Variants in CARS2 observed in about 807,000 individuals in gnomAD.
CARS2 encodes cysteinyl-tRNA synthetase 2, mitochondrial, also known as probable cysteine--tRNA ligase, mitochondrial.
Under a neutral mutation model 68.8 loss-of-function variants are expected in CARS2, and 52 were observed. That is an observed-to-expected ratio of 0.76 (90% CI 0.61 to 0.95). CARS2 has a LOEUF of 0.95. Among genes scored for constraint, CARS2 ranks in the 40% least tolerant of loss-of-function variants. The probability of loss-of-function intolerance (pLI) is 0.00; values close to 1 mark genes in which losing one functional copy is unlikely to be tolerated. For synonymous variants in CARS2, 314 were observed against 303.6 expected (o/e 1.03, Z -0.36); for missense variants, 780 against 754.2 (o/e 1.03, Z -0.40).
At chr13:110,683,209 C>A in intron 5 of CARS2, 75 bp from the exon 6 acceptor site, 1 of 952,050 alleles carries the variant, frequency 1.1e-6, no homozygotes, top group Non-Finnish European at 1.5e-6. Context: ...TAACATCTAA[C>A]AAGTAATTAG....
Position 110,705,928 on chromosome 13 carries a change from T to G in CARS2, c.166A>C (p.Asn56His). ...GGTTCCTTCCTCCCGGTGAGGCTGT[T>G]GTACACCTGCACACCCGTCTCCCGG... Reference protein sequence around the residue: ...TGRETGVQVYNSLTGRKEPLI... With the variant: ...TGRETGVQVYHSLTGRKEPLI... The change falls in exon 1 of 15, where the codon AAC (asparagine) becomes CAC (histidine). Residue 56 changes from asparagine to histidine, a missense_variant. Physicochemically the swap from Asn to His is moderately conservative, Grantham distance 68. Coordinates refer to ENST00000257347, the MANE Select transcript of CARS2 (RefSeq NM_024537.4). This position sits in a 1 kb window ranked among gnomAD's most constrained non-coding sequence, Gnocchi z 4.0. 6.4e-7 allele frequency: 1 copy of G among 1,573,746 alleles called. No homozygotes were observed. The highest frequency in any genetic ancestry group is 1.4e-5 in the African/African-American group (1 of 73,892).
chr13:110,642,589 G>T, intron 13 of CARS2, 68 bp from the exon 14 acceptor site: 1 of 1,482,068 alleles, frequency 6.7e-7, no homozygotes, highest in Non-Finnish European at 9.4e-7. Flanking sequence ...TCCCCACCCC[G>T]TGGTTGGGCT....
intron 3 of CARS2, among the ~76,000 whole-genome samples, chr13:110,697,712 C>T (rs1159734430): frequency 3.9e-5 from 6 of 152,194 alleles, no homozygotes; most frequent in African/African-American, 1.4e-4. Flanking sequence ...GGATTACAGG[C>T]GTGAGCCACT....
intron 5 of CARS2, among the ~76,000 whole-genome samples, chr13:110,686,654 G>A (rs2139853889): frequency 6.7e-6 from 1 of 148,206 alleles, no homozygotes; most frequent in African/African-American, 2.5e-5. Flanking sequence ...CCTCCTGGGT[G>A]CAAGCAATTC....
Position 110,663,477 on chromosome 13 carries a change from A to C in CARS2, c.961T>G (p.Ser321Ala), listed in dbSNP as rs759013193. The change falls in exon 9 of 15, where the codon TCA (serine) becomes GCA (alanine). Residue 321 changes from serine to alanine, a missense_variant. Transcript: ENST00000257347. ...TTAATAGTAATGTAGTTCTTTAATG[A>C]TTTGGACATTTTTTCTTCTTTGCCT... ...AKGKEEKMSKSLKNYITIKDF... is the reference protein window; with the variant it reads ...AKGKEEKMSKALKNYITIKDF... The C allele has an allele frequency of 6.2e-7, 1 of 1,613,824 alleles. No individual in the cohort carries two copies. Among genetic ancestry groups the C allele is most frequent in the African/African-American group, 1.3e-5 (1 of 74,912 alleles).
intron 9 of CARS2, among the ~76,000 whole-genome samples, chr13:110,652,605 G>A (rs1021864313): frequency 3.9e-5 from 6 of 152,194 alleles, no homozygotes; most frequent in African/African-American, 1.4e-4. Flanking sequence ...GATGGAGCAG[G>A]TCTGGTCTGT....
In CARS2 at chr13:110,665,571, C is replaced by A; in HGVS notation, c.919+1769G>T. The stretch of plus-strand genomic sequence containing the variant: ...GGCACAGCTAAGGCTGCCCTTCTTG[C>A]CCCCCAGCTCCACACTCGCAGAAGG... On this transcript the variant is annotated intron_variant, in intron 8 of 14. Coordinates refer to ENST00000257347, the MANE Select transcript of CARS2 (RefSeq NM_024537.4). This position sits in a 1 kb window ranked among gnomAD's most constrained non-coding sequence, Gnocchi z 4.3. 1.0e-6 allele frequency: 1 copy of A among 985,450 alleles called. No individual in the cohort carries two copies. The highest frequency in any genetic ancestry group is 1.2e-6 in the Non-Finnish European group (1 of 829,966). 61.0% of individuals were successfully genotyped at this position (985,450 alleles called of 1,614,324 possible).
intron 9 of CARS2, among the ~76,000 whole-genome samples, chr13:110,652,633 C>G (rs2062248392): frequency 6.6e-6 from 1 of 152,200 alleles, no homozygotes; most frequent in Non-Finnish European, 1.5e-5. Flanking sequence ...CAGGAAGGAG[C>G]TCAGCCCCCA....
At chr13:110,711,140 T>C (rs2064023321), upstream of CARS2, among the ~76,000 whole-genome samples, 1 of 152,196 alleles carries the variant, frequency 6.6e-6, no homozygotes, top group South Asian at 2.1e-4. Flanking sequence ...TAATTTTCCT[T>C]ATTCAACTTT....
intron 8 of CARS2, chr13:110,664,870 G>C: frequency 2.1e-6 from 1 of 483,230 alleles, no homozygotes; most frequent in Non-Finnish European, 2.7e-6. Context: ...AGGCCCTCCC[G>C]AGACACCGAG....
chr13:110,680,046 C>T (rs1222236602), intron 6 of CARS2, among the ~76,000 whole-genome samples: 1 of 151,966 alleles, frequency 6.6e-6, no homozygotes, highest in Non-Finnish European at 1.5e-5. Flanking sequence ...ACAAACTGTA[C>T]CACTGAGTAA....
chr13:110,683,082 G>A lies in CARS2; in HGVS notation c.624C>T (p.Val208=), dbSNP rs768173954. ...CTCCGACTGGACCAGGGACCACGCCGACCAATTTGCCATACTTGTCTCCTC... is the reference window on the plus strand; with the variant it reads ...CTCCGACTGGACCAGGGACCACGCCAACCAATTTGCCATACTTGTCTCCTC... ...KSRGDKYGKL[V]GVVPGPVGEP... The change falls in exon 6 of 15, where the codon GTC becomes GTT. Residue 208 remains valine (V), a synonymous_variant. Transcript: ENST00000257347. 2.7e-5 allele frequency: 43 copies of A among 1,601,848 alleles called. No homozygotes were observed. Among genetic ancestry groups the A allele is most frequent in the South Asian group, 7.8e-5 (7 of 89,320 alleles).
intron 3 of CARS2, among the ~76,000 whole-genome samples, chr13:110,693,074 C>T (rs2063519082): frequency 7.7e-6 from 1 of 129,958 alleles, no homozygotes; most frequent in Non-Finnish European, 1.5e-5. Context: ...TGCACCACTG[C>T]ACTCCAGCCT....
rs2139679351 is a variant in CARS2, at chr13:110,646,005, C to T, written c.1279G>A (p.Ala427Thr). The T allele has an allele frequency of 6.2e-7, 1 of 1,613,898 alleles. No homozygotes were observed. The highest frequency in any genetic ancestry group is 8.5e-7 in the Non-Finnish European group (1 of 1,179,938). Residue 427 changes from alanine to threonine, a missense_variant, in exon 12 of 15, where the codon GCA (alanine) becomes ACA (threonine). By Grantham distance (58) the Ala-to-Thr change is moderately conservative (BLOSUM62 0). Coordinates refer to ENST00000257347, the MANE Select transcript of CARS2 (RefSeq NM_024537.4). ...PRVVDAILGL[A>T]HHGNGQLRAS... ...CTGAGCTGTCCATTCCCGTGGTGTGCAAGGCCCAGGATGGCATCAACCACC... is the reference window on the plus strand; with the variant it reads ...CTGAGCTGTCCATTCCCGTGGTGTGTAAGGCCCAGGATGGCATCAACCACC...
chr13:110,672,493 A>C (rs2062829624), intron 7 of CARS2, among the ~76,000 whole-genome samples: 1 of 152,276 alleles, frequency 6.6e-6, no homozygotes, highest in South Asian at 2.1e-4. Flanking sequence ...TGAAGGCAGC[A>C]GTAAAGACGT....
Position 110,713,020 on chromosome 13 carries a change from C to A in CARS2, n.399+117G>T, listed in dbSNP as rs754610235. 20 of 1,512,524 alleles carry A rather than the reference C, an allele frequency of 1.3e-5. 1 individual carries two copies. The Middle Eastern group carries it at 2.6e-3, about 197-fold the overall frequency. 93.7% of individuals were successfully genotyped at this position (1,512,524 alleles called of 1,614,324 possible). On this transcript the variant is annotated intron_variant and non_coding_transcript_variant, in intron 1 of 2. Coordinates refer to the CARS2 transcript ENST00000485188. ...TCTGCGGCCGCAGCTCAAAGGACAC[C>A]GAGAGGGTGCCAGTGCGCATGCGCC...
intron 9 of CARS2, among the ~76,000 whole-genome samples, chr13:110,661,342 C>T (rs1314602492): frequency 6.6e-6 from 1 of 152,198 alleles, no homozygotes; most frequent in Non-Finnish European, 1.5e-5. Context: ...CAAACCAACC[C>T]CTGCTAGCTT....
chr13:110,667,003 T>C (rs2139763536), intron 8 of CARS2: 2 of 942,466 alleles, frequency 2.1e-6, no homozygotes, highest in South Asian at 9.8e-5. Context: ...AGATGTCTAG[T>C]GACAACATTA....
chr13:110,710,768 A>G (rs531111139), upstream of CARS2, among the ~76,000 whole-genome samples: 1 of 152,350 alleles, frequency 6.6e-6, no homozygotes, highest in South Asian at 2.1e-4. Flanking sequence ...AGCTCCAAAA[A>G]ACTTTTCACT....
Sources: gnomAD v4.1 joint callset for allele counts (sites outside exome capture counted in the v4.1 genomes callset) on GRCh38, gnomAD v4.1.1 for gene constraint, Gnocchi (gnomAD v3.1) non-coding constraint, MANE v1.5 for transcripts, NCBI Gene and HGNC (gene_info 2026-07-23, HGNC 2026-07-21) for gene names.